Variants in FAM53A observed in about 807,000 individuals in gnomAD.
FAM53A encodes protein FAM53A.
In FAM53A, 28 loss-of-function variants were observed where a neutral mutation model predicts 26.6. The ratio of observed to expected loss-of-function variants is 1.05; its 90% CI spans 0.78 to 1.45. FAM53A has a LOEUF of 1.45. FAM53A is among the 40% of genes most tolerant of loss of function. The pLI is 0.00. For missense variants in FAM53A, 650 were observed against 575.8 expected (o/e 1.13, Z -1.32); for synonymous variants, 290 against 253.1 (o/e 1.15, Z -1.38).
At chr4:1,608,895 G>A in the FAM53A span, among the ~76,000 whole-genome samples, 1 of 152,126 alleles carries the variant, frequency 6.6e-6, no homozygotes, top group Admixed American at 6.5e-5. Context: ...TGGGCTTACG[G>A]GACGGAGGGC....
At chr4:1,612,830 C>T in the FAM53A span, among the ~76,000 whole-genome samples, 8 of 152,358 alleles carry the variant, frequency 5.3e-5, no homozygotes, top group South Asian at 2.1e-4. Context: ...CTCTCGGGCA[C>T]GTGATCACAC....
chr4:1,648,683 C>T (rs1447677257), intron 4 of FAM53A, among the ~76,000 whole-genome samples: 1 of 152,158 alleles, frequency 6.6e-6, no homozygotes, highest in Non-Finnish European at 1.5e-5. Flanking sequence ...CACTTCAGGG[C>T]GGGCAGGTAT....
intron 1 of FAM53A, among the ~76,000 whole-genome samples, chr4:1,682,660 C>G (rs1715530789): frequency 6.6e-6 from 1 of 152,116 alleles, no homozygotes; most frequent in South Asian, 2.1e-4. Flanking sequence ...AAAATGTGTA[C>G]TCTCTCGGAT....
chr4:1,647,338 A>G (rs765904066), intron 4 of FAM53A, among the ~76,000 whole-genome samples: 64 of 140,536 alleles, frequency 4.6e-4, no homozygotes, highest in African/African-American at 1.5e-3. Flanking sequence ...CCATCTCGGG[A>G]AAAAAAAAAA....
chr4:1,641,124 C>T lies in FAM53A; in HGVS notation c.*169G>A. The T allele has an allele frequency of 1.5e-5, 9 of 605,228 alleles. No individual in the cohort carries two copies. The South Asian group carries it at 1.8e-4, about 12-fold the overall frequency. 37.5% of individuals were successfully genotyped at this position (605,228 alleles called of 1,614,324 possible). On this transcript the variant is annotated 3_prime_UTR_variant, in exon 5 of 5. Transcript: ENST00000308132. ...GCTCACAGGAAACCTACTCTGTGCC[C>T]CAGGGCAGGTGCCGGCGGCAGCCGT...
intron 1 of FAM53A, among the ~76,000 whole-genome samples, chr4:1,677,051 A>G (rs798735): frequency 0.38 from 57,709 of 152,018 alleles, 11,699 homozygotes; most frequent in African/African-American, 0.51. Flanking sequence ...TGTGCTCAGC[A>G]CTGGCGGGGC....
intron 2 of FAM53A, among the ~76,000 whole-genome samples, chr4:1,667,409 C>G (rs1714315485): frequency 6.6e-6 from 1 of 152,204 alleles, no homozygotes; most frequent in Non-Finnish European, 1.5e-5. Context: ...CCGCCTCGGC[C>G]ACCTCCACCC....
chr4:1,620,983 T>G (rs1715002876), intron 1 of FAM53A, among the ~76,000 whole-genome samples: 1 of 151,872 alleles, frequency 6.6e-6, no homozygotes, highest in Admixed American at 6.6e-5. Flanking sequence ...CTGCCCAAGG[T>G]CACCTCATGG....
At chr4:1,577,689 C>A in the FAM53A span, among the ~76,000 whole-genome samples, 1 of 152,234 alleles carries the variant, frequency 6.6e-6, no homozygotes, top group African/African-American at 2.4e-5. Flanking sequence ...GCATGTATTT[C>A]CAATGTTATA....
chr4:1,629,935 T>A (rs75516348), intron 1 of FAM53A, among the ~76,000 whole-genome samples: 3,508 of 152,216 alleles, frequency 0.023, 117 homozygotes, highest in African/African-American at 0.058. Context: ...CTGTGGTTTA[T>A]TCAGATGGGC....
chr4:1,682,921 C>T (rs766397925), intron 1 of FAM53A, among the ~76,000 whole-genome samples: 61 of 152,320 alleles, frequency 4.0e-4, no homozygotes, highest in Non-Finnish European at 7.2e-4. Flanking sequence ...ATTACCAAGG[C>T]CTCAGTGAGT....
chr4:1,654,651 G>A (rs891660456), intron 4 of FAM53A, among the ~76,000 whole-genome samples: 5 of 152,322 alleles, frequency 3.3e-5, no homozygotes, highest in South Asian at 2.1e-4. Context: ...CAGCTGAGGC[G>A]GGGGGCGGCT....
At chr4:1,664,893 G>A (rs867913653) in intron 2 of FAM53A, among the ~76,000 whole-genome samples, 1 of 152,088 alleles carries the variant, frequency 6.6e-6, no homozygotes, top group Non-Finnish European at 1.5e-5. Context: ...CAGGGGAATC[G>A]CTTGAACCCA....
At chr4:1,680,932 T>C (rs1560218091) in intron 1 of FAM53A, among the ~76,000 whole-genome samples, 1 of 152,208 alleles carries the variant, frequency 6.6e-6, no homozygotes, top group Non-Finnish European at 1.5e-5. Flanking sequence ...TCTAAATCCA[T>C]AGACTACAAC....
At chr4:1,619,438 C>T (rs942672553) in intron 1 of FAM53A, among the ~76,000 whole-genome samples, 14 of 152,188 alleles carry the variant, frequency 9.2e-5, no homozygotes, top group Non-Finnish European at 1.5e-4. Flanking sequence ...TTGCCCAGCT[C>T]GGCGTCTCTG....
intron 4 of FAM53A, among the ~76,000 whole-genome samples, chr4:1,653,051 ACAC>A (rs1185355059): frequency 6.7e-6 from 1 of 149,838 alleles, no homozygotes; most frequent in Admixed American, 6.6e-5. Flanking sequence ...CATAGACCAC[ACAC>A]CACCCATAGA....
Position 1,630,418 on chromosome 4 carries a change from C to T in FAM53A, c.432-12307G>A, listed in dbSNP as rs1038245907. Among the ~76,000 whole-genome samples, 4 of 152,256 alleles carry T rather than the reference C, an allele frequency of 2.6e-5. No individual in the cohort carries two copies. The highest frequency in any genetic ancestry group is 5.9e-5 in the Non-Finnish European group (4 of 68,046). On this transcript the variant is annotated intron_variant, in intron 1 of 1. Transcript: ENST00000489029. This position sits in a 1 kb window ranked among gnomAD's most constrained non-coding sequence, Gnocchi z 4.3. ...GTCGGGGAGTTCCCATCAAACTCTA[C>T]GGAAACAGGCCGCGTCTGTATGTGG...
chr4:1,641,339 G>T lies in FAM53A; in HGVS notation c.1151C>A (p.Pro384His). The T allele has an allele frequency of 6.2e-7, 1 of 1,611,670 alleles. No individual in the cohort carries two copies. The change falls in exon 5 of 5, where the codon CCC becomes CAC. Residue 384 changes from proline (P) to histidine (H), a missense_variant. Physicochemically the swap from Pro to His is moderately conservative, Grantham distance 77. Coordinates refer to ENST00000308132, the MANE Select transcript of FAM53A (RefSeq NM_001174070.3). ...GDSVGEEGVF[P>H]RARWELDLEQ... The stretch of plus-strand genomic sequence containing the variant: ...CAGGTCCAGCTCCCAGCGGGCCCGG[G>T]GGAAGACGCCCTCCTCCCCGACACT...
At chr4:1,658,349 T>C (rs72501971) in intron 2 of FAM53A, among the ~76,000 whole-genome samples, 11,372 of 152,286 alleles carry the variant, frequency 0.075, 1,198 homozygotes, top group African/African-American at 0.23. Flanking sequence ...GCCACAGGCA[T>C]GCATCCTGTC....
Sources: allele counts gnomAD v4.1 joint callset (sites outside exome capture counted in the v4.1 genomes callset), GRCh38; gene constraint gnomAD v4.1.1; non-coding constraint Gnocchi (gnomAD v3.1); transcripts MANE v1.5; gene names NCBI Gene and HGNC (gene_info 2026-07-23, HGNC 2026-07-21).